Variants in ZC3H12B observed in about 807,000 individuals in gnomAD.
ZC3H12B encodes the protein zinc finger CCCH-type containing 12B, also known as probable ribonuclease ZC3H12B.
Under a neutral mutation model 43.9 loss-of-function variants are expected in ZC3H12B, and 7 were observed. The ratio of observed to expected loss-of-function variants is 0.16; its 90% CI spans 0.09 to 0.30. The LOEUF (loss-of-function observed/expected upper bound fraction) is 0.30, where lower values mean the gene tolerates loss of function less well. ZC3H12B is among the 10% of genes least tolerant of loss of function. The probability of loss-of-function intolerance (pLI) is 1.00; values close to 1 mark genes in which losing one functional copy is unlikely to be tolerated. For missense variants in ZC3H12B, 475 were observed against 670.2 expected (o/e 0.71, Z 3.22); for synonymous variants, 222 against 241.7 (o/e 0.92, Z 0.76).
chrX:65,162,710 G>A, the ZC3H12B span, among the ~76,000 whole-genome samples: 1 of 111,764 alleles, frequency 8.9e-6, no homozygotes, highest in African/African-American at 3.3e-5. Context: ...CCTTTGGTTT[G>A]AATTTCCTCC....
At chrX:65,258,620 T>A in the ZC3H12B span, among the ~76,000 whole-genome samples, 1 of 111,313 alleles carries the variant, frequency 9.0e-6, no homozygotes, top group Non-Finnish European at 1.9e-5. Context: ...AGAGAGGAAG[T>A]CAAACTATTT....
the ZC3H12B span, among the ~76,000 whole-genome samples, chrX:65,048,772 A>G: frequency 9.0e-6 from 1 of 111,166 alleles, no homozygotes; most frequent in African/African-American, 3.3e-5. Flanking sequence ...AATACAGTGC[A>G]CTACTATTAC....
At chrX:65,259,807 C>T in the ZC3H12B span, among the ~76,000 whole-genome samples, 3 of 111,346 alleles carry the variant, frequency 2.7e-5, no homozygotes, top group African/African-American at 9.8e-5. Context: ...AATTGCAAAA[C>T]CATGGAACCA....
the ZC3H12B span, among the ~76,000 whole-genome samples, chrX:65,140,854 A>G: frequency 9.0e-6 from 1 of 111,606 alleles, no homozygotes; most frequent in Admixed American, 9.5e-5. Flanking sequence ...ATTTGTTGGT[A>G]CATAGTTGTT....
chrX:65,214,899 A>C, the ZC3H12B span, among the ~76,000 whole-genome samples: 1 of 111,802 alleles, frequency 8.9e-6, no homozygotes, highest in Non-Finnish European at 1.9e-5. Context: ...CATGAGTTGC[A>C]GAATGGATGT....
At chrX:65,468,485 CTTT>C (rs756168806) in intron 3 of ZC3H12B, among the ~76,000 whole-genome samples, 8 of 88,063 alleles carry the variant, frequency 9.1e-5, no homozygotes, top group African/African-American at 2.5e-4. Flanking sequence ...TTCTTTCTTT[CTTT>C]TTTTTTTTTT....
the ZC3H12B span, among the ~76,000 whole-genome samples, chrX:65,135,449 G>A: frequency 2.3e-3 from 248 of 108,599 alleles, 2 homozygotes; most frequent in African/African-American, 7.7e-3. Context: ...CCTTAAATAA[G>A]GTGTTCTTTT....
At chrX:65,211,084 G>GAAA in the ZC3H12B span, among the ~76,000 whole-genome samples, 5 of 48,981 alleles carry the variant, frequency 1.0e-4, no homozygotes, top group African/African-American at 1.2e-3. Context: ...AAAAAAAAAA[G>GAAA]AAAGAAAAAA....
the ZC3H12B span, among the ~76,000 whole-genome samples, chrX:65,284,385 A>C: frequency 1.8e-5 from 2 of 111,752 alleles, no homozygotes; most frequent in East Asian, 5.6e-4. Context: ...ACTGGTTTTA[A>C]ACAATCTCAG....
At chrX:65,374,012 T>TATATATATATAGTATATATATATAAC (rs2066302862) in intron 2 of ZC3H12B, among the ~76,000 whole-genome samples, 1 of 26,603 alleles carries the variant, frequency 3.8e-5, no homozygotes, top group Non-Finnish European at 5.2e-5. Flanking sequence ...TATATATAAC[T>TATATATATATAGTATATATATATAAC]ATATATACAG....
chrX:65,156,063 G>T, the ZC3H12B span, among the ~76,000 whole-genome samples: 3 of 110,598 alleles, frequency 2.7e-5, no homozygotes, highest in Non-Finnish European at 5.7e-5. Flanking sequence ...CTTTTGGCAA[G>T]TTGGGTCTTT....
the ZC3H12B span, among the ~76,000 whole-genome samples, chrX:65,065,832 G>A: frequency 9.3e-6 from 1 of 107,150 alleles, no homozygotes; most frequent in African/African-American, 3.4e-5. Flanking sequence ...TGGAGGCTTT[G>A]TTTGTTTTTT....
chrX:65,375,529 A>G (rs776128111), intron 2 of ZC3H12B, among the ~76,000 whole-genome samples: 10 of 111,874 alleles, frequency 8.9e-5, no homozygotes, highest in Non-Finnish European at 1.7e-4. Flanking sequence ...TGCGAAAGAG[A>G]CACCTTTCTT....
chrX:65,377,847 C>A (rs2066368463), intron 2 of ZC3H12B, among the ~76,000 whole-genome samples: 1 of 111,035 alleles, frequency 9.0e-6, no homozygotes, highest in African/African-American at 3.3e-5. Context: ...GCCTGTAATC[C>A]CAGCACTTTG....
the ZC3H12B span, among the ~76,000 whole-genome samples, chrX:65,225,982 C>G: frequency 1.8e-5 from 2 of 111,823 alleles, no homozygotes; most frequent in Non-Finnish European, 3.8e-5. Flanking sequence ...CTTCCCCAAT[C>G]TAGCAAGGAA....
the ZC3H12B span, among the ~76,000 whole-genome samples, chrX:65,199,834 T>C: frequency 9.1e-6 from 1 of 109,876 alleles, no homozygotes; most frequent in Non-Finnish European, 1.9e-5. Context: ...CCACATTTGC[T>C]TTATCCAATC....
At chrX:65,200,729 C>T in the ZC3H12B span, among the ~76,000 whole-genome samples, 10 of 110,832 alleles carry the variant, frequency 9.0e-5, no homozygotes, top group Non-Finnish European at 1.7e-4. Context: ...AGCCACCTTG[C>T]CTGGCCTCTT....
At chrX:65,266,105 A>G in the ZC3H12B span, among the ~76,000 whole-genome samples, 1 of 111,646 alleles carries the variant, frequency 9.0e-6, no homozygotes, top group East Asian at 2.8e-4. Flanking sequence ...GCTCCAGAAA[A>G]TTGGTTAAAA....
At chrX:65,100,582 A>AC in the ZC3H12B span, among the ~76,000 whole-genome samples, 14 of 102,063 alleles carry the variant, frequency 1.4e-4, no homozygotes, top group Non-Finnish European at 2.2e-4. Flanking sequence ...AAAAAAAAAA[A>AC]AAAAAAAAAA....
Sources: gnomAD v4.1 joint callset for allele counts (sites outside exome capture counted in the v4.1 genomes callset) on GRCh38, gnomAD v4.1.1 for gene constraint, MANE v1.5 for transcripts, NCBI Gene and HGNC (gene_info 2026-07-23, HGNC 2026-07-21) for gene names.